The following CNTN6 variants were observed in gnomAD, a reference collection of about 807,000 sequenced individuals.
CNTN6 encodes contactin 6.
CNTN6 carries 137 observed loss-of-function variants against 122.8 expected under a neutral mutation model. That is an observed-to-expected ratio of 1.12 (90% CI 0.97 to 1.29). CNTN6 has a LOEUF of 1.29. CNTN6 is among the 50% of genes most tolerant of loss of function. The pLI, the probability that CNTN6 is intolerant of heterozygous loss-of-function variation, is 0.00. For missense variants in CNTN6, 1,634 were observed against 1,223.4 expected (o/e 1.34, Z -5.01); for synonymous variants, 570 against 426.0 (o/e 1.34, Z -4.16).
intron 2 of CNTN6, among the ~76,000 whole-genome samples, chr3:1,211,130 G>A (rs1034573719): frequency 6.6e-6 from 1 of 152,136 alleles, no homozygotes; most frequent in Non-Finnish European, 1.5e-5. Flanking sequence ...AGACTTCTGC[G>A]GTAGAAGATA....
At chr3:1,123,862 TCC>T (rs1175420586) in intron 1 of CNTN6, among the ~76,000 whole-genome samples, 2 of 151,994 alleles carry the variant, frequency 1.3e-5, no homozygotes, top group Non-Finnish European at 2.9e-5. Context: ...TTCTTTGTAG[TCC>T]TAGTTTTCTG....
At chr3:1,255,321 G>A (rs2094735939) in intron 4 of CNTN6, among the ~76,000 whole-genome samples, 4 of 151,894 alleles carry the variant, frequency 2.6e-5, no homozygotes, top group Admixed American at 2.0e-4. Context: ...CTCTCCCATG[G>A]TGATATGAGG....
chr3:1,357,594 A>C (rs1706779473), intron 12 of CNTN6, among the ~76,000 whole-genome samples: 1 of 151,902 alleles, frequency 6.6e-6, no homozygotes, highest in Non-Finnish European at 1.5e-5. Context: ...AGTAAGTGGC[A>C]GAACTTTAGC....
chr3:1,213,951 C>A (rs1210851358), intron 2 of CNTN6, among the ~76,000 whole-genome samples: 2 of 151,968 alleles, frequency 1.3e-5, no homozygotes, highest in African/African-American at 2.4e-5. Context: ...TATCTATAGA[C>A]TTTTTGCTGT....
At chr3:1,116,635 C>T (rs1012350744) in intron 1 of CNTN6, among the ~76,000 whole-genome samples, 3 of 148,966 alleles carry the variant, frequency 2.0e-5, no homozygotes, top group African/African-American at 7.4e-5. Flanking sequence ...AATAGAGATA[C>T]AAGAGGGTCG....
At chr3:1,110,191 T>A (rs2091415494) in intron 1 of CNTN6, among the ~76,000 whole-genome samples, 1 of 152,122 alleles carries the variant, frequency 6.6e-6, no homozygotes, top group Non-Finnish European at 1.5e-5. Flanking sequence ...AGAATCACTT[T>A]TAAGTATTAA....
At chr3:1,321,530 C>G (rs891005971) in intron 7 of CNTN6, 120 bp from the exon 8 acceptor site, 2 of 868,422 alleles carry the variant, frequency 2.3e-6, no homozygotes, top group African/African-American at 3.5e-5. Flanking sequence ...GAAAACTAGT[C>G]ATAATACAAC....
chr3:1,349,126 T>G (rs2126064711), intron 11 of CNTN6, among the ~76,000 whole-genome samples: 1 of 152,130 alleles, frequency 6.6e-6, no homozygotes, highest in Non-Finnish European at 1.5e-5. Context: ...AAACTGCTGT[T>G]GAATTTTTGG....
In CNTN6 at chr3:1,301,089, T is replaced by A. The variant is rs1026236158; in HGVS notation, c.761+3098T>A. Among the ~76,000 whole-genome samples the A allele has an allele frequency of 4.5e-5, 6 of 132,208 alleles. No individual in the cohort carries two copies. In the Admixed American group the frequency reaches 5.6e-4, roughly 12 times the overall value. 86.7% of individuals were successfully genotyped at this position (132,208 alleles called of 152,430 possible). ...TCTAACTCTGTCGCCCAGGCTGGAG[T>A]GCAATGGCACGATCTCGGCTCACTG... is the stretch of plus-strand genomic sequence containing the variant. On this transcript the variant is annotated intron_variant, in intron 7 of 22. Transcript: ENST00000446702.
At chr3:1,119,112 A>G (rs1217932217) in intron 1 of CNTN6, among the ~76,000 whole-genome samples, 1 of 152,016 alleles carries the variant, frequency 6.6e-6, no homozygotes, top group African/African-American at 2.4e-5. Context: ...AGTGTGCCAC[A>G]GGCTTTTTTA....
At chr3:1,133,101 G>T (rs1009694178) in intron 1 of CNTN6, among the ~76,000 whole-genome samples, 4 of 152,052 alleles carry the variant, frequency 2.6e-5, no homozygotes, top group Non-Finnish European at 2.9e-5. Context: ...TGCCGAAAAA[G>T]GAGACGTGCC....
intron 11 of CNTN6, among the ~76,000 whole-genome samples, chr3:1,348,305 A>C (rs1171756277): frequency 4.6e-5 from 7 of 152,004 alleles, no homozygotes; most frequent in African/African-American, 1.7e-4. Flanking sequence ...CCATAATTGC[A>C]CAGGATGGCA....
intron 7 of CNTN6, among the ~76,000 whole-genome samples, chr3:1,300,398 G>C (rs1697004875): frequency 6.6e-6 from 1 of 150,916 alleles, no homozygotes; most frequent in African/African-American, 2.4e-5. Flanking sequence ...TGTTCTCTCT[G>C]TCTCAGGATT....
chr3:1,313,078 C>T (rs1359865303), intron 7 of CNTN6, among the ~76,000 whole-genome samples: 1 of 151,958 alleles, frequency 6.6e-6, no homozygotes, highest in Non-Finnish European at 1.5e-5. Flanking sequence ...CAAACTGAGA[C>T]AAGATCAAAC....
At chr3:1,352,867 A>G (rs1337008018) in intron 12 of CNTN6, among the ~76,000 whole-genome samples, 2 of 151,742 alleles carry the variant, frequency 1.3e-5, no homozygotes, top group Admixed American at 6.6e-5. Flanking sequence ...TAATTTGTTT[A>G]TATAACTCCA....
chr3:1,305,195 G>A (rs1698156928), intron 7 of CNTN6, among the ~76,000 whole-genome samples: 1 of 152,072 alleles, frequency 6.6e-6, no homozygotes, highest in African/African-American at 2.4e-5. Context: ...TTCTGTCACG[G>A]ATACCATCAT....
At chr3:1,317,572 C>CTCT (rs1700267288) in intron 7 of CNTN6, among the ~76,000 whole-genome samples, 2 of 151,762 alleles carry the variant, frequency 1.3e-5, no homozygotes, top group Admixed American at 1.3e-4. Context: ...TTTCGGATTT[C>CTCT]AGAGATGCTT....
Position 1,106,521 on chromosome 3 carries a change from TACACACACAC to T in CNTN6, c.-83+13414_-83+13423del, listed in dbSNP as rs57012485. ...AACAAAGTGAGACCCCTGTCTGTAA[TACACACACAC>T]ACACACACACACGCACAATCTCTCT... On this transcript the variant is annotated intron_variant, in intron 1 of 22. Coordinates refer to ENST00000446702, the MANE Select transcript of CNTN6 (RefSeq NM_001289080.2). Among the ~76,000 whole-genome samples the T allele has an allele frequency of 1.1e-4, 16 of 149,192 alleles. No individual in the cohort carries two copies. In the East Asian group the frequency reaches 2.0e-3, roughly 18 times the overall value.
At chr3:1,375,863 G>A (rs1317841424) in intron 16 of CNTN6, among the ~76,000 whole-genome samples, 1 of 152,026 alleles carries the variant, frequency 6.6e-6, no homozygotes, top group Admixed American at 6.6e-5. Flanking sequence ...CTATTTTCTG[G>A]TCATGTTTAT....
Sources: allele counts gnomAD v4.1 joint callset (sites outside exome capture counted in the v4.1 genomes callset), GRCh38; gene constraint gnomAD v4.1.1; transcripts MANE v1.5; gene names NCBI Gene and HGNC (gene_info 2026-07-23, HGNC 2026-07-21).